PISD: variants seen among roughly 807,000 people sequenced by gnomAD.
PISD encodes phosphatidylserine decarboxylase, also known as phosphatidylserine decarboxylase proenzyme, mitochondrial.
In PISD, 31 loss-of-function variants were observed where a neutral mutation model predicts 43.5. That is an observed-to-expected ratio of 0.71 (90% CI 0.54 to 0.96). PISD has a LOEUF of 0.96. PISD is among the 40% of genes least tolerant of loss of function. The pLI is 0.00. For synonymous variants in PISD, 259 were observed against 228.7 expected (o/e 1.13, Z -1.20); for missense variants, 523 against 548.4 (o/e 0.95, Z 0.46).
intron 2 of PISD, among the ~76,000 whole-genome samples, chr22:31,649,304 G>A (rs2047038088): frequency 6.6e-6 from 1 of 152,164 alleles, no homozygotes; most frequent in South Asian, 2.1e-4. Flanking sequence ...AGAAAAGACA[G>A]AGGCTAAATA....
At chr22:31,646,940 A>G (rs1222188720) in intron 3 of PISD, among the ~76,000 whole-genome samples, 1 of 152,148 alleles carries the variant, frequency 6.6e-6, no homozygotes, top group Admixed American at 6.6e-5. Context: ...GGGTAGGCAC[A>G]TGGACATACA....
At chr22:31,651,670 C>A (rs1053893024) in intron 1 of PISD, among the ~76,000 whole-genome samples, 1 of 152,030 alleles carries the variant, frequency 6.6e-6, no homozygotes. Flanking sequence ...ATCACTTGAA[C>A]CCGGGAGGCA....
At position 31,648,205 on chromosome 22, in the gene PISD, T is replaced by C. The variant is rs1211975901; in HGVS notation, c.217A>G (p.Thr73Ala). Residue 73 changes from threonine to alanine, a missense_variant, in exon 3 of 8, where the codon ACA (threonine) becomes GCA (alanine). By Grantham distance (58) the Thr-to-Ala change is moderately conservative. Transcript: ENST00000439502. ...CGGTACCCTGCATACCCGCCGCCTG[T>C]CACCAACAGAATGGGCAGGGGACGC... ...LLRPLPILLV[T>A]GGGYAGYRQY... 1 of 1,612,410 alleles carries C rather than the reference T, an allele frequency of 6.2e-7. No homozygotes were observed. Among genetic ancestry groups the C allele is most frequent in the East Asian group, 2.2e-5 (1 of 44,874 alleles).
chr22:31,637,286 C>T (rs1045058034), intron 3 of PISD, among the ~76,000 whole-genome samples: 1 of 144,684 alleles, frequency 6.9e-6, no homozygotes, highest in Non-Finnish European at 1.5e-5. Flanking sequence ...TCGCTTGAGC[C>T]TGGGAGGTTG....
At chr22:31,660,409 T>C (rs2074284478) in intron 1 of PISD, among the ~76,000 whole-genome samples, 1 of 152,158 alleles carries the variant, frequency 6.6e-6, no homozygotes, top group Non-Finnish European at 1.5e-5. Context: ...TGCCAGCACT[T>C]AGAGAGGTGA....
chr22:31,653,163 C>G (rs1361325770), intron 1 of PISD, among the ~76,000 whole-genome samples: 1 of 151,978 alleles, frequency 6.6e-6, no homozygotes, highest in Non-Finnish European at 1.5e-5. Context: ...CGAGCACCAC[C>G]CCCAAGGCCA....
At chr22:31,650,895 T>G in intron 1 of PISD, 117 bp from the exon 2 acceptor site, 2 of 616,356 alleles carry the variant, frequency 3.2e-6, no homozygotes, top group Non-Finnish European at 5.7e-6. Context: ...TGTCTTGGTT[T>G]TGACAACTGT....
intron 2 of PISD, 125 bp downstream of exon 2, chr22:31,650,574 G>T: frequency 3.7e-6 from 2 of 546,794 alleles, no homozygotes. Context: ...AGTGATAACT[G>T]CATGCCAGGT....
chr22:31,644,114 T>C (rs1177415726), intron 3 of PISD, among the ~76,000 whole-genome samples: 1 of 152,096 alleles, frequency 6.6e-6, no homozygotes, highest in Non-Finnish European at 1.5e-5. Flanking sequence ...AGGGCTCATC[T>C]GCCTTTGGTT....
intron 3 of PISD, among the ~76,000 whole-genome samples, chr22:31,625,113 C>A (rs946471660): frequency 2.6e-5 from 4 of 152,222 alleles, no homozygotes; most frequent in Admixed American, 6.5e-5. Flanking sequence ...GTCCTCTCTC[C>A]CAGTTGCTGA....
chr22:31,620,552 C>G lies in PISD; in HGVS notation c.1005+1G>C. ...TTTGGCAGGGCCTAGATCCTGCTTACCCGGTCAAAGTAGATGCGAATGGAG... is the reference window on the plus strand; with the variant it reads ...TTTGGCAGGGCCTAGATCCTGCTTAGCCGGTCAAAGTAGATGCGAATGGAG... On this transcript the variant is annotated splice_donor_variant, in intron 7 of 7. Transcript: ENST00000439502. LOFTEE classifies it high-confidence loss of function. 1 of 1,614,136 alleles carries G rather than the reference C, an allele frequency of 6.2e-7. No individual in the cohort carries two copies. Among genetic ancestry groups the G allele is most frequent in the Non-Finnish European group, 8.5e-7 (1 of 1,179,984 alleles).
chr22:31,655,144 T>G (rs1434337530), intron 1 of PISD, among the ~76,000 whole-genome samples: 2 of 149,578 alleles, frequency 1.3e-5, no homozygotes, highest in African/African-American at 4.9e-5. Context: ...GGAGAACAGC[T>G]GCCCTGCCAA....
intron 1 of PISD, among the ~76,000 whole-genome samples, chr22:31,656,773 C>A (rs1002393713): frequency 1.3e-5 from 2 of 152,208 alleles, no homozygotes; most frequent in Admixed American, 6.5e-5. Flanking sequence ...CTCCTCTTGC[C>A]GCTCCTTGTC....
chr22:31,618,535 T>A lies in PISD; in HGVS notation c.*1077A>T. On this transcript the variant is annotated 3_prime_UTR_variant, in exon 8 of 8. Coordinates refer to ENST00000439502, the MANE Select transcript of PISD (RefSeq NM_001326411.2). ...TATTTCAAAATGCTTTGCAATTAAA[T>A]GAATTACTGTTCAGAAGTCTCCCAC... 1 of 1,062,008 alleles carries A rather than the reference T, an allele frequency of 9.4e-7. No homozygotes were observed. Among genetic ancestry groups the A allele is most frequent in the Non-Finnish European group, 1.3e-6 (1 of 778,218 alleles). 65.8% of individuals were successfully genotyped at this position (1,062,008 alleles called of 1,614,324 possible).
At chr22:31,640,880 G>GTTGT (rs1487978537) in intron 3 of PISD, among the ~76,000 whole-genome samples, 9 of 24,584 alleles carry the variant, frequency 3.7e-4, no homozygotes, top group South Asian at 2.6e-3. Flanking sequence ...CACACCCGGT[G>GTTGT]TTTTTTTTTT....
At chr22:31,635,614 G>A (rs548188060) in intron 3 of PISD, among the ~76,000 whole-genome samples, 6 of 152,242 alleles carry the variant, frequency 3.9e-5, no homozygotes, top group Admixed American at 3.9e-4. Flanking sequence ...ACATATTCTT[G>A]AGACACGGTC....
At chr22:31,643,217 C>A (rs1331559976) in intron 3 of PISD, among the ~76,000 whole-genome samples, 1 of 152,102 alleles carries the variant, frequency 6.6e-6, no homozygotes, top group Non-Finnish European at 1.5e-5. Flanking sequence ...ATCATCATGT[C>A]CCCTGTTTTC....
Position 31,620,592 on chromosome 22 carries a change from C to G in PISD, c.966G>C (p.Gly322=), listed in dbSNP as rs746409824. Residue 322 remains glycine, a synonymous_variant, in exon 7 of 8, where the codon GGG becomes GGC. Coordinates refer to ENST00000439502, the MANE Select transcript of PISD (RefSeq NM_001326411.2). ...TGCGAATGGAGCCCACGTTGGTGGCCCCCACAGCTGTCAGTGAGAAGAAGC... is the reference window on the plus strand; with the variant it reads ...TGCGAATGGAGCCCACGTTGGTGGCGCCCACAGCTGTCAGTGAGAAGAAGC... ...KHGFFSLTAV[G]ATNVGSIRIY... 1 of 1,614,222 alleles carries G rather than the reference C, an allele frequency of 6.2e-7. No homozygotes were observed. The highest frequency in any genetic ancestry group is 1.7e-5 in the Admixed American group (1 of 60,026).
At chr22:31,635,764 TTC>T (rs1227117104) in intron 3 of PISD, among the ~76,000 whole-genome samples, 1 of 152,122 alleles carries the variant, frequency 6.6e-6, no homozygotes, top group East Asian at 1.9e-4. Flanking sequence ...GAGCCCACAA[TTC>T]TCTGAGGTCA....
Sources: allele counts gnomAD v4.1 joint callset (sites outside exome capture counted in the v4.1 genomes callset), GRCh38; gene constraint gnomAD v4.1.1; transcripts MANE v1.5; gene names NCBI Gene and HGNC (gene_info 2026-07-23, HGNC 2026-07-21).